Variants in PLEKHF2 observed in about 807,000 individuals in gnomAD.
PLEKHF2 encodes the protein pleckstrin homology and FYVE domain containing 2.
A neutral mutation model predicts 14.7 loss-of-function variants in PLEKHF2; 4 were observed. That is an observed-to-expected ratio of 0.27 (90% CI 0.13 to 0.62). The LOEUF is 0.62. PLEKHF2 is among the 20% of genes least tolerant of loss of function. The probability of loss-of-function intolerance (pLI) is 0.85; values close to 1 mark genes in which losing one functional copy is unlikely to be tolerated. For synonymous variants in PLEKHF2, 90 were observed against 103.5 expected (o/e 0.87, Z 0.79); for missense variants, 201 against 307.7 (o/e 0.65, Z 2.60).
intron 1 of PLEKHF2, among the ~76,000 whole-genome samples, chr8:95,140,529 C>T (rs908929780): frequency 1.3e-5 from 2 of 152,166 alleles, no homozygotes; most frequent in East Asian, 3.8e-4. Context: ...TGCAGTTTGT[C>T]TCATCCCTAT....
intron 1 of PLEKHF2, among the ~76,000 whole-genome samples, chr8:95,152,322 A>G (rs1043941130): frequency 2.0e-5 from 3 of 152,090 alleles, no homozygotes; most frequent in African/African-American, 4.8e-5. Context: ...TTATCCTTGT[A>G]TATATCTCTA....
At chr8:95,139,879 A>G (rs1336121253) in intron 1 of PLEKHF2, among the ~76,000 whole-genome samples, 1 of 150,446 alleles carries the variant, frequency 6.6e-6, no homozygotes, top group Non-Finnish European at 1.5e-5. Context: ...AGTCTCTGAG[A>G]GTTGTGAAAC....
In PLEKHF2 at chr8:95,143,044, A is replaced by G. The variant is rs547494270; in HGVS notation, c.-15+9014A>G. 4.6e-5 allele frequency among the ~76,000 whole-genome samples: 7 copies of G among 152,208 alleles called. No homozygotes were observed. The South Asian group carries it at 1.5e-3, about 32-fold the overall frequency. ...TTGGCACATTGATGCCATTTATGCA[A>G]GCATTTTTTTTTAGGTGCTGTTGCA... On this transcript the variant is annotated intron_variant, in intron 1 of 1. Coordinates refer to ENST00000315367, the MANE Select transcript of PLEKHF2 (RefSeq NM_024613.4).
At chr8:95,147,136 A>G (rs1563883293) in intron 1 of PLEKHF2, among the ~76,000 whole-genome samples, 1 of 152,104 alleles carries the variant, frequency 6.6e-6, no homozygotes, top group African/African-American at 2.4e-5. Flanking sequence ...TATGGATATA[A>G]TGTAAGTTTC....
At chr8:95,143,264 T>A (rs907559168) in intron 1 of PLEKHF2, among the ~76,000 whole-genome samples, 1 of 151,866 alleles carries the variant, frequency 6.6e-6, no homozygotes, top group African/African-American at 2.4e-5. Flanking sequence ...CGTGCCCGGC[T>A]AATTTTTTGT....
At chr8:95,141,712 T>G (rs1267408229) in intron 1 of PLEKHF2, among the ~76,000 whole-genome samples, 3 of 151,716 alleles carry the variant, frequency 2.0e-5, no homozygotes, top group African/African-American at 2.4e-5. Flanking sequence ...TTTGTTTTTT[T>G]TTTTTTTTTG....
At chr8:95,142,641 G>C (rs1810451388) in intron 1 of PLEKHF2, among the ~76,000 whole-genome samples, 1 of 152,116 alleles carries the variant, frequency 6.6e-6, no homozygotes, top group African/African-American at 2.4e-5. Context: ...AATGATGTGA[G>C]TTTTTGAATC....
intron 1 of PLEKHF2, among the ~76,000 whole-genome samples, chr8:95,150,200 G>A (rs939979880): frequency 1.3e-5 from 2 of 152,056 alleles, no homozygotes; most frequent in East Asian, 1.9e-4. Flanking sequence ...GTGTTTGTGT[G>A]TGTGTGCAGG....
intron 1 of PLEKHF2, 115 bp from the exon 2 acceptor site, chr8:95,153,916 T>G: frequency 2.6e-6 from 2 of 771,476 alleles, no homozygotes; most frequent in Non-Finnish European, 3.7e-6. Flanking sequence ...GGAAAGAATT[T>G]TAGAACATTT....
chr8:95,139,143 T>C (rs541516998), intron 1 of PLEKHF2, among the ~76,000 whole-genome samples: 1 of 152,328 alleles, frequency 6.6e-6, no homozygotes, highest in South Asian at 2.1e-4. Flanking sequence ...AAAATTGACA[T>C]TTGTTTCTTA....
chr8:95,140,966 A>G (rs1375748082), intron 1 of PLEKHF2, among the ~76,000 whole-genome samples: 2 of 152,234 alleles, frequency 1.3e-5, no homozygotes, highest in South Asian at 2.1e-4. Flanking sequence ...AGTTACTCCC[A>G]TGATAATCTT....
chr8:95,137,945 C>G (rs1335633840), intron 1 of PLEKHF2, among the ~76,000 whole-genome samples: 1 of 152,194 alleles, frequency 6.6e-6, no homozygotes, highest in Non-Finnish European at 1.5e-5. Flanking sequence ...CTTATTGTCA[C>G]CTCCAGTCCC....
At chr8:95,138,617 T>G (rs1319010012) in intron 1 of PLEKHF2, among the ~76,000 whole-genome samples, 1 of 152,190 alleles carries the variant, frequency 6.6e-6, no homozygotes, top group Non-Finnish European at 1.5e-5. Flanking sequence ...ATATTATTAG[T>G]CTAGTGCTTA....
rs919179546 is a variant in PLEKHF2 at position 95,154,552 on chromosome 8, A to C, written c.508A>C (p.Asn170His). The part of the protein sequence containing the change: ...RCQKAKFTPV[N>H]RRHHCRKCGF... The stretch of plus-strand genomic sequence containing the variant: ...TCAGAAAGCAAAATTCACACCTGTT[A>C]ATCGTCGCCACCATTGCCGCAAATG... The change falls in exon 2 of 2, where the codon AAT becomes CAT. Residue 170 changes from asparagine (N) to histidine (H), a missense_variant. Asn to His is a moderately conservative substitution (Grantham distance 68, BLOSUM62 1). Transcript: ENST00000315367. The surrounding 1 kb of genome is among the most constrained non-coding windows in gnomAD (Gnocchi z 5.6). 2 of 1,614,038 alleles carry C rather than the reference A, an allele frequency of 1.2e-6. No individual in the cohort carries two copies. Among genetic ancestry groups the C allele is most frequent in the Non-Finnish European group, 1.7e-6 (2 of 1,179,998 alleles).
rs185640568 is a variant in PLEKHF2 at position 95,150,510 on chromosome 8, G to T, written c.-14-3521G>T. On this transcript the variant is annotated intron_variant, in intron 1 of 1. Transcript: ENST00000315367. ...ATAAAATGTGTTTATGTTGGTCATT[G>T]TCAAACTTTGAAAGCTATTTGCTTT... Among the ~76,000 whole-genome samples the T allele has an allele frequency of 6.8e-4, 104 of 152,264 alleles. 1 individual carries two copies. The highest frequency in any genetic ancestry group is 2.4e-3 in the African/African-American group (101 of 41,564).
rs1362070957 is a variant in PLEKHF2 at position 95,154,796 on chromosome 8, G to GT, written c.*2_*3insT. On this transcript the variant is annotated 3_prime_UTR_variant, in exon 2 of 2. Coordinates refer to ENST00000315367, the MANE Select transcript of PLEKHF2 (RefSeq NM_024613.4). This position sits in a 1 kb window ranked among gnomAD's most constrained non-coding sequence, Gnocchi z 5.6. ...GACGATGATGATAGCAGTGACTAAG[G>GT]ACACATTTGGGAGTATTTAATCAGG... 2 of 1,612,724 alleles carry GT rather than the reference G, an allele frequency of 1.2e-6. No homozygotes were observed. The highest frequency in any genetic ancestry group is 1.7e-6 in the Non-Finnish European group (2 of 1,178,950).
At position 95,156,159 on chromosome 8, in the gene PLEKHF2, A is replaced by G. The variant is rs940136135; in HGVS notation, c.*1365A>G. The stretch of plus-strand genomic sequence containing the variant: ...GCGTTTTGCACTACTCTTTCCATTT[A>G]TATGCTGCAAACAACTACAGTCTTT... On this transcript the variant is annotated 3_prime_UTR_variant, in exon 2 of 2. Transcript: ENST00000315367. 3 of 167,062 alleles carry G rather than the reference A, an allele frequency of 1.8e-5. No individual in the cohort carries two copies. The highest frequency in any genetic ancestry group is 7.2e-5 in the African/African-American group (3 of 41,448). 10.3% of individuals were successfully genotyped at this position (167,062 alleles called of 1,614,324 possible). A position where few individuals can be genotyped will look rare whatever the true frequency, so the allele number is the denominator to read the frequency against.
intron 1 of PLEKHF2, among the ~76,000 whole-genome samples, chr8:95,151,237 TGA>T (rs1209977300): frequency 6.6e-6 from 1 of 152,274 alleles, no homozygotes; most frequent in Admixed American, 6.5e-5. Context: ...TACAAATTTA[TGA>T]TAGTATTAAT....
intron 1 of PLEKHF2, among the ~76,000 whole-genome samples, chr8:95,136,331 TATAC>T (rs58441089): frequency 0.057 from 6,164 of 107,726 alleles, 200 homozygotes; most frequent in African/African-American, 0.13. Flanking sequence ...TTTTATTATA[TATAC>T]ACACACACAC....
Sources: gnomAD v4.1 joint callset for allele counts (sites outside exome capture counted in the v4.1 genomes callset) on GRCh38, gnomAD v4.1.1 for gene constraint, Gnocchi (gnomAD v3.1) non-coding constraint, MANE v1.5 for transcripts, NCBI Gene and HGNC (gene_info 2026-07-23, HGNC 2026-07-21) for gene names.